Variants in CSMD1 observed in about 807,000 individuals in gnomAD.
The protein encoded by CSMD1 is CUB and Sushi multiple domains 1, also known as CUB and sushi domain-containing protein 1.
Under a neutral mutation model 417.5 loss-of-function variants are expected in CSMD1, and 213 were observed. That is an observed-to-expected ratio of 0.51 (90% CI 0.46 to 0.57). The LOEUF (loss-of-function observed/expected upper bound fraction) is 0.57. CSMD1 is among the 20% of genes least tolerant of loss of function. The pLI is 0.00. For synonymous variants in CSMD1, 2,862 were observed against 1,736.8 expected, an observed-to-expected ratio of 1.65 and a Z score of -16.11; for missense variants, 6,923 against 4,529.7, an observed-to-expected ratio of 1.53 and a Z score of -15.17.
At position 3,106,600 on chromosome 8, in the gene CSMD1, C is replaced by T. The variant is rs750526062; in HGVS notation, c.6877G>A (p.Val2293Met). Residue 2293 changes from valine (V) to methionine (M), a missense_variant, in exon 46 of 70, where the codon GTG becomes ATG. Coordinates refer to ENST00000635120, the MANE Select transcript of CSMD1 (RefSeq NM_033225.6). Reference protein sequence around the residue: ...KYQCHPGYTLVGTDILTCKLS... With the variant: ...KYQCHPGYTLMGTDILTCKLS... ...TTGCAAGTCAGAATGTCGGTCCCCA[C>T]CAAGGTGTACCCGGGGTGGCACTGG... 6.2e-7 allele frequency: 1 copy of T among 1,613,754 alleles called. No homozygotes were observed. Among genetic ancestry groups the T allele is most frequent in the Non-Finnish European group, 8.5e-7 (1 of 1,179,806 alleles).
chr8:3,083,689 T>G (rs1814315274), intron 49 of CSMD1, among the ~76,000 whole-genome samples: 2 of 123,528 alleles, frequency 1.6e-5, no homozygotes, highest in South Asian at 3.0e-4. Context: ...TTGGTCTCAT[T>G]CTGTCTCCCA....
intron 3 of CSMD1, among the ~76,000 whole-genome samples, chr8:4,243,358 C>A (rs1465689864): frequency 6.6e-6 from 1 of 152,050 alleles, no homozygotes; most frequent in Non-Finnish European, 1.5e-5. Flanking sequence ...TATGCAATGC[C>A]GAGAGGGGCC....
intron 49 of CSMD1, among the ~76,000 whole-genome samples, chr8:3,071,092 G>C (rs1813295574): frequency 6.6e-6 from 1 of 152,092 alleles, no homozygotes; most frequent in African/African-American, 2.4e-5. Flanking sequence ...CACACACCCA[G>C]GTCTCAAAAA....
chr8:4,441,345 C>G (rs1394764475), intron 2 of CSMD1, among the ~76,000 whole-genome samples: 1 of 149,374 alleles, frequency 6.7e-6, no homozygotes, highest in Non-Finnish European at 1.5e-5. Flanking sequence ...ACAGCTGGCC[C>G]CAAGCAATCC....
intron 30 of CSMD1, among the ~76,000 whole-genome samples, chr8:3,208,091 A>G (rs561900851): frequency 6.6e-6 from 1 of 152,262 alleles, no homozygotes; most frequent in African/African-American, 2.4e-5. Flanking sequence ...TAGCACAAAT[A>G]AAGATTGAAA....
chr8:3,431,224 G>A (rs1329801357), intron 12 of CSMD1, among the ~76,000 whole-genome samples: 1 of 152,114 alleles, frequency 6.6e-6, no homozygotes, highest in African/African-American at 2.4e-5. Context: ...ACAGGTCCAT[G>A]CAACAGCTGA....
intron 5 of CSMD1, among the ~76,000 whole-genome samples, chr8:3,935,547 C>G (rs561857798): frequency 3.3e-5 from 5 of 152,112 alleles, no homozygotes. Context: ...ATAACCCAGG[C>G]TTCTAGGTAT....
intron 3 of CSMD1, among the ~76,000 whole-genome samples, chr8:4,034,894 A>T (rs973154227): frequency 6.6e-6 from 1 of 152,216 alleles, no homozygotes; most frequent in South Asian, 2.1e-4. Context: ...TAAATCTGCT[A>T]AAGATAACCA....
chr8:4,357,176 C>G (rs1465642398), intron 3 of CSMD1, among the ~76,000 whole-genome samples: 2 of 152,164 alleles, frequency 1.3e-5, no homozygotes, highest in East Asian at 3.9e-4. Flanking sequence ...TACGCAAATG[C>G]TCACACATGT....
At chr8:4,925,987 A>C (rs1296127321) in intron 1 of CSMD1, among the ~76,000 whole-genome samples, 1 of 152,234 alleles carries the variant, frequency 6.6e-6, no homozygotes, top group Non-Finnish European at 1.5e-5. Context: ...TTAGCAATGC[A>C]TTCTTTCCAG....
intron 3 of CSMD1, among the ~76,000 whole-genome samples, chr8:4,098,416 G>A (rs923964941): frequency 1.1e-4 from 17 of 151,234 alleles, no homozygotes; most frequent in Non-Finnish European, 2.1e-4. Context: ...TTTTTTTCAG[G>A]GTCATGTTAC....
intron 2 of CSMD1, among the ~76,000 whole-genome samples, chr8:4,553,439 A>AT (rs34779117): frequency 0.1 from 14,274 of 139,452 alleles, 828 homozygotes; most frequent in South Asian, 0.19. Flanking sequence ...CTGAAAAAGA[A>AT]TTTTTTTTTT....
At chr8:3,626,310 G>A (rs1477326842) in intron 7 of CSMD1, among the ~76,000 whole-genome samples, 1 of 152,158 alleles carries the variant, frequency 6.6e-6, no homozygotes, top group African/African-American at 2.4e-5. Context: ...CTCAGAAATA[G>A]TTTTGGGGGC....
At chr8:3,946,675 C>G (rs965104935) in intron 5 of CSMD1, among the ~76,000 whole-genome samples, 8 of 152,108 alleles carry the variant, frequency 5.3e-5, no homozygotes, top group African/African-American at 1.9e-4. Flanking sequence ...CCTGCATCTT[C>G]TCATTCATGG....
chr8:4,406,490 G>A (rs954040716), intron 3 of CSMD1, among the ~76,000 whole-genome samples: 2 of 152,102 alleles, frequency 1.3e-5, no homozygotes, highest in African/African-American at 2.4e-5. Flanking sequence ...TAATTAGATG[G>A]GAACAAGGAA....
chr8:4,333,877 A>G (rs779337384), intron 3 of CSMD1, among the ~76,000 whole-genome samples: 1 of 151,858 alleles, frequency 6.6e-6, no homozygotes, highest in Non-Finnish European at 1.5e-5. Flanking sequence ...TTCTAATACA[A>G]TTTTTCCCCT....
chr8:3,113,928 T>C (rs1207439268), intron 42 of CSMD1, among the ~76,000 whole-genome samples: 1 of 152,106 alleles, frequency 6.6e-6, no homozygotes, highest in Non-Finnish European at 1.5e-5. Context: ...CAAATTAAAA[T>C]TAAAACAGGC....
At chr8:4,827,646 C>T (rs1341962176) in intron 1 of CSMD1, among the ~76,000 whole-genome samples, 1 of 152,084 alleles carries the variant, frequency 6.6e-6, no homozygotes, top group African/African-American at 2.4e-5. Flanking sequence ...TAGGAATTCC[C>T]AGCTTCTCGA....
At chr8:4,906,399 A>T (rs1805278798) in intron 1 of CSMD1, among the ~76,000 whole-genome samples, 1 of 152,222 alleles carries the variant, frequency 6.6e-6, no homozygotes, top group African/African-American at 2.4e-5. Flanking sequence ...TGTCAAAGGG[A>T]TGAATAGAGG....
Sources: allele counts gnomAD v4.1 joint callset (sites outside exome capture counted in the v4.1 genomes callset), GRCh38; gene constraint gnomAD v4.1.1; transcripts MANE v1.5; gene names NCBI Gene and HGNC (gene_info 2026-07-23, HGNC 2026-07-21).